The following KIF18A variants were observed in gnomAD, a reference collection of about 807,000 sequenced individuals.
KIF18A encodes the protein kinesin family member 18A, also known as kinesin-like protein KIF18A.
Under a neutral mutation model 103.3 loss-of-function variants are expected in KIF18A, and 67 were observed. That is an observed-to-expected ratio of 0.65 (90% CI 0.53 to 0.79). The LOEUF (loss-of-function observed/expected upper bound fraction) is 0.79. Ranked by LOEUF, KIF18A falls within the 30% of genes least tolerant of loss-of-function variation. The pLI is 0.00. For missense variants in KIF18A, 1,032 were observed against 1,062.5 expected (o/e 0.97, Z 0.40); for synonymous variants, 367 against 355.5 (o/e 1.03, Z -0.36).
chr11:28,033,304 TC>T (rs1467300488), intron 15 of KIF18A, among the ~76,000 whole-genome samples: 1 of 149,266 alleles, frequency 6.7e-6, no homozygotes. Context: ...GTTTGAAGAG[TC>T]CTCAAAAAAC....
Position 28,036,387 on chromosome 11 carries a change from A to T in KIF18A, c.2226T>A (p.Asp742Glu). ...FQAISSNINSDNCLKMLCEVA... is the reference protein window; with the variant it reads ...FQAISSNINSENCLKMLCEVA... ...CTTCACACAACATTTTCAGACAATT[A>T]TCACTGTTTATGTTTGAGCTGATAG... is the stretch of plus-strand genomic sequence containing the variant. The change falls in exon 14 of 17, where the codon GAT becomes GAA. Residue 742 changes from aspartate to glutamate, a missense_variant. Physicochemically the swap from Asp to Glu is conservative, Grantham distance 45 (BLOSUM62 2). Transcript: ENST00000263181. 6.2e-7 allele frequency: 1 copy of T among 1,611,252 alleles called. No homozygotes were observed. The highest frequency in any genetic ancestry group is 8.5e-7 in the Non-Finnish European group (1 of 1,178,224).
rs1247519238 is a variant in KIF18A, at chr11:28,062,338, C to T, written c.1712+57G>A. ...AACTTTCTGGCAGTGGAAAATTGAA[C>T]TTCTGTGCTTCAGATATAGTGTTAA... On this transcript the variant is annotated intron_variant, in intron 12 of 16. Coordinates refer to ENST00000263181, the MANE Select transcript of KIF18A (RefSeq NM_031217.4). 26 of 1,462,390 alleles carry T rather than the reference C, an allele frequency of 1.8e-5. 1 individual carries two copies. In the South Asian group the frequency reaches 3.6e-4, roughly 20 times the overall value. 90.6% of individuals were successfully genotyped at this position (1,462,390 alleles called of 1,614,324 possible). A position where few individuals can be genotyped will look rare whatever the true frequency, so the allele number is the denominator to read the frequency against.
At chr11:28,071,898 C>T (rs1346543916) in intron 10 of KIF18A, among the ~76,000 whole-genome samples, 2 of 152,118 alleles carry the variant, frequency 1.3e-5, no homozygotes, top group Non-Finnish European at 1.5e-5. Context: ...CATTTACAGT[C>T]GTAGGGACTC....
rs752007979 is a variant in KIF18A at position 28,036,343 on chromosome 11, C to T, written c.2270G>A (p.Arg757Lys). 4 of 1,610,810 alleles carry T rather than the reference C, an allele frequency of 2.5e-6. No homozygotes were observed. The Admixed American group carries it at 6.7e-5, about 27-fold the overall frequency. ...MLCEVAIPHN[R>K]RKECGQEDLD... The stretch of plus-strand genomic sequence containing the variant: ...GTCCTCCTGTCCACATTCTTTTCTT[C>T]TATTATGAGGGATAGCTACTTCACA... Residue 757 changes from arginine to lysine, a missense_variant, in exon 14 of 17, where the codon AGA becomes AAA. Physicochemically the swap from Arg to Lys is conservative, Grantham distance 26. Transcript: ENST00000263181.
In KIF18A at chr11:28,094,769, C is replaced by T; in HGVS notation, c.357G>A (p.Lys119=). The part of the protein sequence containing the change: ...VLAYGATGAG[K]THTMLGSADE... ...CAGCTGATCCTAGCATAGTGTGGGT[C>T]TTCCCAGCACCAGTGGCACCATAGG... The change falls in exon 3 of 17, where the codon AAG becomes AAA. Residue 119 remains lysine, a synonymous_variant. Coordinates refer to ENST00000263181, the MANE Select transcript of KIF18A (RefSeq NM_031217.4). The T allele has an allele frequency of 1.2e-6, 2 of 1,614,012 alleles. No homozygotes were observed. The highest frequency in any genetic ancestry group is 1.7e-6 in the Non-Finnish European group (2 of 1,179,944).
chr11:28,090,858 T>C, intron 4 of KIF18A, 131 bp from the exon 5 acceptor site: 1 of 604,362 alleles, frequency 1.7e-6, no homozygotes, highest in Non-Finnish European at 2.9e-6. Flanking sequence ...TCCTATTAAA[T>C]ACTAACTTTG....
chr11:28,097,530 AT>A (rs916219255), intron 2 of KIF18A, 92 bp downstream of exon 2: 1 of 839,424 alleles, frequency 1.2e-6, no homozygotes, highest in African/African-American at 1.7e-5. Flanking sequence ...AGCTCCTTAA[AT>A]TTGATTATAT....
At chr11:28,036,134 A>T in intron 14 of KIF18A, 83 bp downstream of exon 14, 1 of 815,860 alleles carries the variant, frequency 1.2e-6, no homozygotes, top group Non-Finnish European at 1.9e-6. Flanking sequence ...AAAATGGCAC[A>T]CTTGGTTTAT....
intron 16 of KIF18A, among the ~76,000 whole-genome samples, chr11:28,023,358 A>G (rs1425692402): frequency 6.6e-6 from 1 of 152,210 alleles, no homozygotes; most frequent in Non-Finnish European, 1.5e-5. Flanking sequence ...TATTCAAAAT[A>G]TTACGCTAAG....
intron 12 of KIF18A, among the ~76,000 whole-genome samples, chr11:28,061,307 A>T (rs1285243117): frequency 6.6e-6 from 1 of 152,184 alleles, no homozygotes; most frequent in Admixed American, 6.6e-5. Flanking sequence ...TGCTCATATA[A>T]GCTAGAATTC....
intron 13 of KIF18A, among the ~76,000 whole-genome samples, chr11:28,057,290 T>C (rs1055840977): frequency 6.6e-6 from 1 of 151,974 alleles, no homozygotes; most frequent in African/African-American, 2.4e-5. Context: ...CCGAGGTGGA[T>C]GGATCACGAG....
chr11:28,053,672 C>T (rs1850740879), intron 13 of KIF18A, among the ~76,000 whole-genome samples: 1 of 150,250 alleles, frequency 6.7e-6, no homozygotes, highest in South Asian at 2.1e-4. Context: ...CACCCCATAA[C>T]AGGCCCCAGT....
chr11:28,098,822 G>C (rs561342947), intron 1 of KIF18A, among the ~76,000 whole-genome samples: 5 of 151,600 alleles, frequency 3.3e-5, no homozygotes, highest in African/African-American at 1.2e-4. Flanking sequence ...AAATACTCTA[G>C]AATCTGCAGA....
chr11:28,055,745 T>C (rs540896703), intron 13 of KIF18A, among the ~76,000 whole-genome samples: 1 of 152,254 alleles, frequency 6.6e-6, no homozygotes, highest in South Asian at 2.1e-4. Context: ...AATATCATGA[T>C]CAGATGCATC....
At chr11:28,106,020 A>G (rs1396648953) in intron 1 of KIF18A, among the ~76,000 whole-genome samples, 2 of 152,238 alleles carry the variant, frequency 1.3e-5, no homozygotes, top group Admixed American at 6.5e-5. Flanking sequence ...AATGTCAAAT[A>G]TAAGTCAATT....
chr11:28,103,098 T>C (rs1317482865), intron 1 of KIF18A, among the ~76,000 whole-genome samples: 3 of 152,098 alleles, frequency 2.0e-5, no homozygotes, highest in Non-Finnish European at 4.4e-5. Flanking sequence ...CTGAACAGAA[T>C]CAAAAGAGCA....
At chr11:28,056,849 GAC>G (rs1168219940) in intron 13 of KIF18A, 1 of 241,754 alleles carries the variant, frequency 4.1e-6, no homozygotes, top group South Asian at 5.0e-5. Context: ...TGTGTGCTGG[GAC>G]ACATTTGAGC....
At position 28,036,517 on chromosome 11, in the gene KIF18A, T is replaced by A; in HGVS notation, c.2096A>T (p.Glu699Val). ...TGGTGTATATACAATAGGCTGAAGT[T>A]CTTTGCTAAGAGAATCATTGAGCTG... ...SVQLNDSLSK[E>V]LQPIVYTPED... The change falls in exon 14 of 17, where the codon GAA (glutamate) becomes GTA (valine). Residue 699 changes from glutamate (E) to valine (V), a missense_variant. By Grantham distance (121) the Glu-to-Val change is moderately radical (BLOSUM62 -2). Transcript: ENST00000263181. 1.2e-6 allele frequency: 2 copies of A among 1,611,404 alleles called. No individual in the cohort carries two copies. Among genetic ancestry groups the A allele is most frequent in the Non-Finnish European group, 1.7e-6 (2 of 1,178,318 alleles).
At chr11:28,091,033 C>A (rs2133559821) in intron 4 of KIF18A, among the ~76,000 whole-genome samples, 2 of 151,804 alleles carry the variant, frequency 1.3e-5, no homozygotes, top group South Asian at 4.2e-4. Flanking sequence ...AGATCTTGAG[C>A]CCCAGAGTTT....
Sources: allele counts gnomAD v4.1 joint callset (sites outside exome capture counted in the v4.1 genomes callset), GRCh38; gene constraint gnomAD v4.1.1; transcripts MANE v1.5; gene names NCBI Gene and HGNC (gene_info 2026-07-23, HGNC 2026-07-21).